The following LIMS1 variants were observed in gnomAD, a reference collection of about 807,000 sequenced individuals.
The protein encoded by LIMS1 is LIM zinc finger domain containing 1, also known as LIM and senescent cell antigen-like-containing domain protein 1.
In LIMS1, 18 loss-of-function variants were observed where a neutral mutation model predicts 44.1. The observed-to-expected ratio is 0.41, with a 90% confidence interval of 0.28 to 0.61. The LOEUF is 0.61. Among genes scored for constraint, LIMS1 ranks in the 20% least tolerant of loss-of-function variants. The pLI, the probability that LIMS1 is intolerant of heterozygous loss-of-function variation, is 0.32. For missense variants in LIMS1, 201 were observed against 422.0 expected, an observed-to-expected ratio of 0.48 and a Z score of 4.59; for synonymous variants, 93 against 149.1, an observed-to-expected ratio of 0.62 and a Z score of 2.74.
chr2:108,561,746 GT>G (rs200154866), intron 1 of LIMS1, among the ~76,000 whole-genome samples: 30 of 134,110 alleles, frequency 2.2e-4, no homozygotes, highest in South Asian at 2.4e-4. Context: ...GTTTTTTTTT[GT>G]TTTTTTTTTT....
chr2:108,682,940 A>G (rs1008861006), intron 9 of LIMS1, among the ~76,000 whole-genome samples: 3 of 152,250 alleles, frequency 2.0e-5, no homozygotes, highest in Admixed American at 6.5e-5. Flanking sequence ...TTTCAACAGT[A>G]ATAAGCTCCT....
intron 1 of LIMS1, among the ~76,000 whole-genome samples, chr2:108,613,685 C>T (rs1483225366): frequency 6.6e-6 from 1 of 152,108 alleles, no homozygotes; most frequent in African/African-American, 2.4e-5. Flanking sequence ...TTGTCAGTAC[C>T]CTGCTTAAGA....
chr2:108,608,441 G>T (rs567136803), intron 1 of LIMS1, among the ~76,000 whole-genome samples: 2 of 151,926 alleles, frequency 1.3e-5, no homozygotes, highest in African/African-American at 4.8e-5. Context: ...GAGTAGCTGG[G>T]ACTATAGGCG....
rs578052897 is a variant in LIMS1 at position 108,633,838 on chromosome 2, AATG to A, written c.33-25764_33-25762del. 3.4e-3 allele frequency among the ~76,000 whole-genome samples: 511 copies of A among 152,278 alleles called. 2 individuals carry two copies. Among genetic ancestry groups the A allele is most frequent in the African/African-American group, 0.011 (468 of 41,532 alleles). On this transcript the variant is annotated intron_variant, in intron 1 of 9. Coordinates refer to ENST00000544547, the Ensembl canonical transcript of LIMS1. ...TTATTTTATATTATTTAAGTAATTA[AATG>A]ATAAGAAATTTACACACAGGTGTGT...
chr2:108,583,946 G>A (rs777849130), intron 1 of LIMS1, among the ~76,000 whole-genome samples: 2 of 151,912 alleles, frequency 1.3e-5, no homozygotes, highest in Non-Finnish European at 2.9e-5. Flanking sequence ...TGACCGCCTC[G>A]GCCTCCCAAA....
At chr2:108,565,937 C>G (rs1317161326) in intron 1 of LIMS1, among the ~76,000 whole-genome samples, 3 of 152,192 alleles carry the variant, frequency 2.0e-5, no homozygotes, top group Non-Finnish European at 4.4e-5. Context: ...CCATGCCTAT[C>G]ACCTCCTAAA....
chr2:108,619,302 G>A (rs796299979), intron 1 of LIMS1, among the ~76,000 whole-genome samples: 14 of 151,772 alleles, frequency 9.2e-5, no homozygotes, highest in African/African-American at 3.4e-4. Flanking sequence ...TATTCATTAG[G>A]CGTCTATTCT....
At chr2:108,562,372 T>A (rs1330999951) in intron 1 of LIMS1, among the ~76,000 whole-genome samples, 1 of 152,226 alleles carries the variant, frequency 6.6e-6, no homozygotes, top group Non-Finnish European at 1.5e-5. Flanking sequence ...GGCTGAAAGC[T>A]AAGCCTCTTG....
chr2:108,577,408 A>G (rs1188289723), intron 1 of LIMS1, among the ~76,000 whole-genome samples: 1 of 152,268 alleles, frequency 6.6e-6, no homozygotes, highest in East Asian at 1.9e-4. Flanking sequence ...TTGTGTGTAC[A>G]TCGCAGTCTA....
At chr2:108,685,757 CA>C (rs1693265035) in exon 10 of LIMS1, 1 of 151,996 alleles carries the variant, frequency 6.6e-6, no homozygotes, top group South Asian at 2.1e-4. Flanking sequence ...AATATGTGAC[CA>C]GCAATGACAA....
chr2:108,577,323 C>T (rs1318596966), intron 1 of LIMS1, among the ~76,000 whole-genome samples: 1 of 152,254 alleles, frequency 6.6e-6, no homozygotes, highest in Non-Finnish European at 1.5e-5. Flanking sequence ...CTAGGCCTTT[C>T]TTGCTGCTGC....
chr2:108,569,572 G>C (rs1255135687), intron 1 of LIMS1, among the ~76,000 whole-genome samples: 2 of 152,084 alleles, frequency 1.3e-5, no homozygotes, highest in Non-Finnish European at 2.9e-5. Flanking sequence ...TGAAGAAACT[G>C]TTCTTTCCCA....
At chr2:108,575,849 G>GTGA (rs1488416385) in intron 1 of LIMS1, among the ~76,000 whole-genome samples, 1 of 152,190 alleles carries the variant, frequency 6.6e-6, no homozygotes, top group Non-Finnish European at 1.5e-5. Context: ...TGGATGGCAT[G>GTGA]TGATACAGCA....
chr2:108,609,461 G>A (rs1294340043), intron 1 of LIMS1, among the ~76,000 whole-genome samples: 2 of 152,078 alleles, frequency 1.3e-5, no homozygotes, highest in African/African-American at 2.4e-5. Context: ...TAAACTGCCC[G>A]GCTCCCCGCA....
At chr2:108,575,887 C>G (rs762186056) in intron 1 of LIMS1, among the ~76,000 whole-genome samples, 1 of 151,962 alleles carries the variant, frequency 6.6e-6, no homozygotes, top group Non-Finnish European at 1.5e-5. Flanking sequence ...AAAACCAAAC[C>G]AAGAGGTTGC....
At chr2:108,591,818 A>G (rs1264502079) in intron 1 of LIMS1, among the ~76,000 whole-genome samples, 1 of 144,718 alleles carries the variant, frequency 6.9e-6, no homozygotes, top group Non-Finnish European at 1.5e-5. Flanking sequence ...TTTTTGAGAC[A>G]GAGTCTCGCC....
At chr2:108,597,854 G>A (rs1184896508) in intron 1 of LIMS1, among the ~76,000 whole-genome samples, 2 of 151,730 alleles carry the variant, frequency 1.3e-5, no homozygotes, top group Non-Finnish European at 1.5e-5. Flanking sequence ...TGCCACACCC[G>A]GCTATTTTTT....
intron 1 of LIMS1, among the ~76,000 whole-genome samples, chr2:108,650,241 C>A (rs1338664058): frequency 6.6e-6 from 1 of 152,108 alleles, no homozygotes; most frequent in Non-Finnish European, 1.5e-5. Context: ...TATCAAAATG[C>A]CTGAATATAA....
chr2:108,584,649 C>T (rs1225481479), intron 1 of LIMS1, among the ~76,000 whole-genome samples: 4 of 152,044 alleles, frequency 2.6e-5, no homozygotes, highest in African/African-American at 9.7e-5. Flanking sequence ...AGTGCGGGAT[C>T]CAGGCAGGAG....
Sources: gnomAD v4.1 joint callset for allele counts (sites outside exome capture counted in the v4.1 genomes callset) on GRCh38, gnomAD v4.1.1 for gene constraint, MANE v1.5 for transcripts, NCBI Gene and HGNC (gene_info 2026-07-23, HGNC 2026-07-21) for gene names.